SULF1: variants seen among roughly 807,000 people sequenced by gnomAD.
SULF1 encodes sulfatase 1, also known as extracellular sulfatase Sulf-1.
Under a neutral mutation model 110.5 loss-of-function variants are expected in SULF1, and 46 were observed. The ratio of observed to expected loss-of-function variants is 0.42; its 90% CI spans 0.33 to 0.53. The LOEUF (loss-of-function observed/expected upper bound fraction) is 0.53. Ranked by LOEUF, SULF1 falls within the 20% of genes least tolerant of loss-of-function variation. The pLI, the probability that SULF1 is intolerant of heterozygous loss-of-function variation, is 0.12. For missense variants in SULF1, 941 were observed against 1,094.2 expected, an observed-to-expected ratio of 0.86 and a Z score of 1.98; for synonymous variants, 371 against 387.1, an observed-to-expected ratio of 0.96 and a Z score of 0.49.
intron 6 of SULF1, among the ~76,000 whole-genome samples, chr8:69,578,118 A>G (rs1253736678): frequency 2.0e-5 from 3 of 152,156 alleles, no homozygotes; most frequent in Non-Finnish European, 4.4e-5. Context: ...TCCATTGTAA[A>G]GTTCACCCAG....
At position 69,628,068 on chromosome 8, in the gene SULF1, A is replaced by G. The variant is rs1449886649; in HGVS notation, c.2043-103A>G. On this transcript the variant is annotated intron_variant, in intron 17 of 22. Transcript: ENST00000402687. ...CACATTCAGCTAAAATACTTACAAC[A>G]TCACTGCCTTCCTTCTTTCTATTTT... 4.8e-6 allele frequency: 5 copies of G among 1,034,728 alleles called. No homozygotes were observed. The African/African-American group carries it at 6.4e-5, about 13-fold the overall frequency. 64.1% of individuals were successfully genotyped at this position (1,034,728 alleles called of 1,614,324 possible).
chr8:69,596,615 G>A (rs1563567816), intron 8 of SULF1, among the ~76,000 whole-genome samples: 1 of 152,066 alleles, frequency 6.6e-6, no homozygotes, highest in Non-Finnish European at 1.5e-5. Flanking sequence ...TTAATGAGTG[G>A]GATTTTTGAG....
At chr8:69,531,295 T>C (rs1298067577) in intron 3 of SULF1, among the ~76,000 whole-genome samples, 1 of 152,224 alleles carries the variant, frequency 6.6e-6, no homozygotes, top group Non-Finnish European at 1.5e-5. Context: ...TATGTGTAAA[T>C]GAACAGTTTT....
In SULF1 at chr8:69,536,597, G is replaced by A. The variant is rs573538574; in HGVS notation, c.-133-26942G>A. 3.6e-4 allele frequency among the ~76,000 whole-genome samples: 55 copies of A among 152,194 alleles called. 1 individual carries two copies. The highest frequency in any genetic ancestry group is 4.2e-4 in the South Asian group (2 of 4,818). On this transcript the variant is annotated intron_variant, in intron 3 of 22. Coordinates refer to ENST00000402687, the MANE Select transcript of SULF1 (RefSeq NM_001128205.2). ...TGTAATCTATTAGCCACATTTCCCA[G>A]GCTAAAGTGGGCTGCATTTTAAAAT...
intron 3 of SULF1, among the ~76,000 whole-genome samples, chr8:69,544,632 A>T (rs995734724): frequency 6.6e-6 from 1 of 152,192 alleles, no homozygotes; most frequent in Admixed American, 6.5e-5. Flanking sequence ...AATCCTTGCT[A>T]TTCAGTGAAG....
chr8:69,609,683 T>C (rs1329196229), intron 13 of SULF1, among the ~76,000 whole-genome samples: 1 of 152,194 alleles, frequency 6.6e-6, no homozygotes, highest in Non-Finnish European at 1.5e-5. Flanking sequence ...CACTGCAAAA[T>C]TGCAAGACAG....
At chr8:69,566,808 C>T (rs1157663225) in intron 5 of SULF1, among the ~76,000 whole-genome samples, 1 of 152,180 alleles carries the variant, frequency 6.6e-6, no homozygotes, top group African/African-American at 2.4e-5. Flanking sequence ...CGAGATCACA[C>T]CATTGCACTC....
intron 1 of SULF1, among the ~76,000 whole-genome samples, chr8:69,475,663 G>A (rs561871810): frequency 1.3e-5 from 2 of 152,194 alleles, no homozygotes; most frequent in Admixed American, 1.3e-4. Context: ...GGTCATTATG[G>A]AACAAATGTT....
chr8:69,574,413 G>A (rs980513613), intron 5 of SULF1, among the ~76,000 whole-genome samples: 2 of 152,058 alleles, frequency 1.3e-5, no homozygotes, highest in African/African-American at 2.4e-5. Context: ...TCACCCATCC[G>A]ACATTTACTT....
chr8:69,492,603 G>A (rs936928530), upstream of SULF1, among the ~76,000 whole-genome samples: 11 of 152,158 alleles, frequency 7.2e-5, no homozygotes, highest in Admixed American at 5.2e-4. Context: ...GCCCGCCGCC[G>A]TCCAAGCCGG....
At chr8:69,606,038 A>G (rs553914827) in intron 13 of SULF1, among the ~76,000 whole-genome samples, 5 of 152,358 alleles carry the variant, frequency 3.3e-5, no homozygotes, top group African/African-American at 1.2e-4. Context: ...CAATTCACCA[A>G]CACCAGTTCA....
intron 8 of SULF1, among the ~76,000 whole-genome samples, chr8:69,595,949 A>G (rs904110634): frequency 3.9e-5 from 6 of 152,240 alleles, no homozygotes; most frequent in Admixed American, 1.3e-4. Context: ...GAAAGGTAAC[A>G]TTATTGATTT....
chr8:69,600,083 C>T (rs1446625566), intron 8 of SULF1, among the ~76,000 whole-genome samples: 1 of 152,092 alleles, frequency 6.6e-6, no homozygotes, highest in Admixed American at 6.5e-5. Context: ...ATATAAAAAA[C>T]TCATAAAAAC....
intron 1 of SULF1, among the ~76,000 whole-genome samples, chr8:69,482,739 C>A (rs1809559531): frequency 6.6e-6 from 1 of 151,982 alleles, no homozygotes; most frequent in Admixed American, 6.6e-5. Flanking sequence ...TTTTCAAATA[C>A]AAATTTTTAA....
intron 5 of SULF1, among the ~76,000 whole-genome samples, chr8:69,575,365 A>C (rs1805527626): frequency 6.6e-6 from 1 of 152,202 alleles, no homozygotes; most frequent in African/African-American, 2.4e-5. Flanking sequence ...ATAGGTCAAA[A>C]TATAAATTGA....
chr8:69,616,983 T>A (rs1368333507), intron 13 of SULF1, among the ~76,000 whole-genome samples: 1 of 152,142 alleles, frequency 6.6e-6, no homozygotes, highest in Non-Finnish European at 1.5e-5. Flanking sequence ...AGTCAACTCT[T>A]CATTTTTAAA....
intron 3 of SULF1, among the ~76,000 whole-genome samples, chr8:69,517,097 A>G (rs1173188790): frequency 2.0e-5 from 3 of 152,204 alleles, no homozygotes; most frequent in Non-Finnish European, 4.4e-5. Context: ...TGGGAAGTCC[A>G]AGAGCATGGT....
At chr8:69,532,778 A>G (rs922111026) in intron 3 of SULF1, among the ~76,000 whole-genome samples, 6 of 152,128 alleles carry the variant, frequency 3.9e-5, no homozygotes, top group Non-Finnish European at 7.4e-5. Flanking sequence ...TATCTTGCAA[A>G]ACTGGAACTC....
intron 8 of SULF1, among the ~76,000 whole-genome samples, chr8:69,596,132 A>G (rs1311928768): frequency 1.3e-5 from 2 of 152,178 alleles, no homozygotes; most frequent in Non-Finnish European, 2.9e-5. Context: ...GGAAAACAAT[A>G]TGCAGGGAGG....
Sources: gnomAD v4.1 joint callset for allele counts (sites outside exome capture counted in the v4.1 genomes callset) on GRCh38, gnomAD v4.1.1 for gene constraint, MANE v1.5 for transcripts, NCBI Gene and HGNC (gene_info 2026-07-23, HGNC 2026-07-21) for gene names.